Variants in DPP10 observed in about 807,000 individuals in gnomAD.
DPP10 encodes the protein dipeptidyl peptidase like 10.
A neutral mutation model predicts 120.9 loss-of-function variants in DPP10; 33 were observed. The ratio of observed to expected loss-of-function variants is 0.27; its 90% CI spans 0.21 to 0.37. The LOEUF (loss-of-function observed/expected upper bound fraction) is 0.37. Among genes scored for constraint, DPP10 ranks in the 10% least tolerant of loss-of-function variants. The probability of loss-of-function intolerance (pLI) is 1.00; values close to 1 mark genes in which losing one functional copy is unlikely to be tolerated. For synonymous variants in DPP10, 337 were observed against 326.1 expected (o/e 1.03, Z -0.36); for missense variants, 816 against 942.8 (o/e 0.87, Z 1.76).
chr2:115,334,740 G>A (rs1189439442), intron 2 of DPP10, among the ~76,000 whole-genome samples: 6 of 151,920 alleles, frequency 3.9e-5, no homozygotes, highest in Non-Finnish European at 8.8e-5. Flanking sequence ...AGTGAATAAT[G>A]TGAAGGTGCT....
chr2:115,738,083 T>C (rs910330572), intron 8 of DPP10, among the ~76,000 whole-genome samples: 1 of 152,206 alleles, frequency 6.6e-6, no homozygotes, highest in African/African-American at 2.4e-5. Context: ...ATAACTATAC[T>C]GTATGCTTTT....
chr2:115,840,604 G>T (rs773714932), intron 24 of DPP10, 146 bp from the exon 25 acceptor site: 1 of 742,092 alleles, frequency 1.3e-6, no homozygotes, highest in East Asian at 3.0e-5. Context: ...GATTACAGGC[G>T]TGAGCCACCG....
intron 3 of DPP10, among the ~76,000 whole-genome samples, chr2:115,449,440 G>C (rs1372257897): frequency 6.6e-6 from 1 of 152,012 alleles, no homozygotes; most frequent in Non-Finnish European, 1.5e-5. Flanking sequence ...ACAAGAGAGT[G>C]GGGGGCCAAT....
intron 1 of DPP10, among the ~76,000 whole-genome samples, chr2:115,227,818 TTTC>T (rs2057513098): frequency 6.6e-6 from 1 of 152,110 alleles, no homozygotes. Context: ...CATTTTATGC[TTTC>T]TTTTTATTCT....
chr2:115,383,935 A>G (rs1354418344), intron 3 of DPP10, among the ~76,000 whole-genome samples: 1 of 152,224 alleles, frequency 6.6e-6, no homozygotes, highest in Non-Finnish European at 1.5e-5. Flanking sequence ...AAAGAAACCA[A>G]TAGATCATAA....
intron 12 of DPP10, among the ~76,000 whole-genome samples, chr2:115,764,332 ATGTT>A (rs1680466312): frequency 6.6e-6 from 1 of 152,096 alleles, no homozygotes; most frequent in African/African-American, 2.4e-5. Context: ...ACACAGATAA[ATGTT>A]TGTATATATA....
intron 1 of DPP10, among the ~76,000 whole-genome samples, chr2:114,850,215 T>C (rs899002773): frequency 2.6e-5 from 4 of 151,850 alleles, no homozygotes; most frequent in African/African-American, 9.7e-5. Context: ...ATTGAAGAGA[T>C]GGGGTTCCAC....
At position 115,829,460 on chromosome 2, in the gene DPP10, C is replaced by T. The variant is rs185974543; in HGVS notation, c.1951-6697C>T. The stretch of plus-strand genomic sequence containing the variant: ...TAATATTTTTAAAAGAATTTTCACT[C>T]TTTACTTCTCTCTTTGAAAATATTC... On this transcript the variant is annotated intron_variant, in intron 21 of 25. Transcript: ENST00000410059. Among the ~76,000 whole-genome samples the T allele has an allele frequency of 6.1e-3, 899 of 148,376 alleles. 14 individuals are homozygous for T. Among genetic ancestry groups the T allele is most frequent in the African/African-American group, 0.023 (862 of 38,144 alleles).
At chr2:115,611,946 C>T (rs1308753812) in intron 5 of DPP10, among the ~76,000 whole-genome samples, 1 of 152,130 alleles carries the variant, frequency 6.6e-6, no homozygotes, top group Admixed American at 6.6e-5. Context: ...CTAGAATACA[C>T]ATCTCCTAAC....
intron 1 of DPP10, among the ~76,000 whole-genome samples, chr2:114,926,937 G>A (rs1212022016): frequency 1.4e-5 from 2 of 147,498 alleles, no homozygotes; most frequent in Non-Finnish European, 3.0e-5. Flanking sequence ...TGCAAGCTCT[G>A]CCTCCCAGGT....
intron 3 of DPP10, among the ~76,000 whole-genome samples, chr2:115,375,052 C>A (rs1269216612): frequency 6.6e-6 from 1 of 152,210 alleles, no homozygotes. Flanking sequence ...GCTTGAATTT[C>A]TTCCAAGAAA....
At chr2:115,840,022 G>C (rs1294615940) in intron 24 of DPP10, among the ~76,000 whole-genome samples, 1 of 152,038 alleles carries the variant, frequency 6.6e-6, no homozygotes, top group Non-Finnish European at 1.5e-5. Flanking sequence ...AACTGAGACT[G>C]TGCCCTAGTA....
chr2:115,069,171 T>C (rs1032914152), intron 1 of DPP10, among the ~76,000 whole-genome samples: 2 of 152,122 alleles, frequency 1.3e-5, no homozygotes, highest in Non-Finnish European at 2.9e-5. Flanking sequence ...TCTTCCAATA[T>C]ATAAACATAG....
chr2:115,479,435 C>T (rs188369963), intron 3 of DPP10, among the ~76,000 whole-genome samples: 6 of 152,094 alleles, frequency 3.9e-5, no homozygotes, highest in African/African-American at 7.2e-5. Context: ...CTGTTTAATG[C>T]GTACAGATTT....
intron 1 of DPP10, among the ~76,000 whole-genome samples, chr2:114,799,116 C>G (rs372127516): frequency 2.6e-5 from 4 of 152,070 alleles, no homozygotes; most frequent in South Asian, 4.1e-4. Context: ...GCAACAAGAG[C>G]GAAACTCCAT....
At chr2:115,116,782 T>C (rs1175542186) in intron 1 of DPP10, among the ~76,000 whole-genome samples, 1 of 152,202 alleles carries the variant, frequency 6.6e-6, no homozygotes, top group Non-Finnish European at 1.5e-5. Flanking sequence ...AACATTATGC[T>C]TTCCTCTTGA....
chr2:114,846,201 G>T (rs1282903997), intron 1 of DPP10, among the ~76,000 whole-genome samples: 2 of 152,032 alleles, frequency 1.3e-5, no homozygotes, highest in South Asian at 4.1e-4. Context: ...TAGTATATGT[G>T]TACCTTGCAT....
At chr2:114,773,013 T>C (rs1681406424) in intron 1 of DPP10, among the ~76,000 whole-genome samples, 1 of 152,196 alleles carries the variant, frequency 6.6e-6, no homozygotes, top group Non-Finnish European at 1.5e-5. Context: ...ACTTCAATTC[T>C]CAAAGCCTTC....
chr2:114,968,256 C>T (rs1189067733), intron 1 of DPP10, among the ~76,000 whole-genome samples: 1 of 152,166 alleles, frequency 6.6e-6, no homozygotes, highest in South Asian at 2.1e-4. Flanking sequence ...TCTTGCTATA[C>T]AGGCAGAAAA....
Sources: allele counts gnomAD v4.1 joint callset (sites outside exome capture counted in the v4.1 genomes callset), GRCh38; gene constraint gnomAD v4.1.1; transcripts MANE v1.5; gene names NCBI Gene and HGNC (gene_info 2026-07-23, HGNC 2026-07-21).